The following LBR variants were observed in gnomAD, a reference collection of about 807,000 sequenced individuals.
The protein encoded by LBR is delta(14)-sterol reductase LBR.
LBR carries 28 observed loss-of-function variants against 74.3 expected under a neutral mutation model. That is an observed-to-expected ratio of 0.38 (90% CI 0.28 to 0.52). The LOEUF (loss-of-function observed/expected upper bound fraction) is 0.52, where lower values mean the gene tolerates loss of function less well. Among genes scored for constraint, LBR ranks in the 20% least tolerant of loss-of-function variants. The pLI, the probability that LBR is intolerant of heterozygous loss-of-function variation, is 0.89. For synonymous variants in LBR, 228 were observed against 269.3 expected (o/e 0.85, Z 1.50); for missense variants, 717 against 760.3 (o/e 0.94, Z 0.67).
At chr1:225,426,322 T>C (rs567352980) in intron 1 of LBR, among the ~76,000 whole-genome samples, 1 of 152,204 alleles carries the variant, frequency 6.6e-6, no homozygotes, top group Non-Finnish European at 1.5e-5. Context: ...AAGCCCCACA[T>C]TTGTTCGTGT....
Position 225,424,071 on chromosome 1 carries a change from G to T in LBR, c.5C>A (p.Pro2Gln), listed in dbSNP as rs1250803200. 6.2e-7 allele frequency: 1 copy of T among 1,613,820 alleles called. No homozygotes were observed. Among genetic ancestry groups the T allele is most frequent in the Admixed American group, 1.7e-5 (1 of 60,016 alleles). ...TTCACCATCGGCAAATTTCCTACTT[G>T]GCATTTTCTATAATTAACCTGAATA... The part of the protein sequence containing the change: M[P>Q]SRKFADGEVV... Residue 2 changes from proline (P) to glutamine (Q), a missense_variant, in exon 2 of 14, where the codon CCA becomes CAA. Physicochemically the swap from Pro to Gln is moderately conservative, Grantham distance 76. Coordinates refer to ENST00000272163, the MANE Select transcript of LBR (RefSeq NM_002296.4).
At chr1:225,406,600 A>C in intron 11 of LBR, 64 bp downstream of exon 11, 1 of 1,386,262 alleles carries the variant, frequency 7.2e-7, no homozygotes, top group South Asian at 1.2e-5. Flanking sequence ...TGTAGACAGC[A>C]GGGCATAAAA....
chr1:225,415,671 C>A (rs564128003), intron 6 of LBR, among the ~76,000 whole-genome samples: 1 of 152,220 alleles, frequency 6.6e-6, no homozygotes, highest in East Asian at 1.9e-4. Context: ...TCTAGTGGAT[C>A]CCTAGCTCAA....
Position 225,406,691 on chromosome 1 carries a change from T to C in LBR, c.1456A>G (p.Met486Val), listed in dbSNP as rs778020291. 1.2e-5 allele frequency: 19 copies of C among 1,611,990 alleles called. No individual in the cohort carries two copies. The African/African-American group carries it at 1.3e-4, about 11-fold the overall frequency. Residue 486 changes from methionine (M) to valine (V), a missense_variant, in exon 11 of 14, where the codon ATG (methionine) becomes GTG (valine). Transcript: ENST00000272163. ...VSHPNEVSWP[M>V]ASLIIVLKLC... is the part of the protein sequence containing the mutation. ...TTCAGAACAATAATTAGAGAAGCCATTGGCCAAGACACTTCATTTGGATGA... is the reference window on the plus strand; with the variant it reads ...TTCAGAACAATAATTAGAGAAGCCACTGGCCAAGACACTTCATTTGGATGA...
intron 10 of LBR, among the ~76,000 whole-genome samples, chr1:225,407,941 G>A (rs1429961491): frequency 1.3e-5 from 2 of 151,906 alleles, no homozygotes; most frequent in African/African-American, 4.8e-5. Flanking sequence ...ATATTTATGG[G>A]GTACACAGTG....
rs748344756 is a variant in LBR, at chr1:225,419,252, C to T, written c.640+11G>A. On this transcript the variant is annotated intron_variant, in intron 5 of 13. Transcript: ENST00000272163. ...CCACCTGCCCTCTCTGGGCCCAGCTCTGAGGCCTACCAGGTACTCCTCCAA... is the reference window on the plus strand; with the variant it reads ...CCACCTGCCCTCTCTGGGCCCAGCTTTGAGGCCTACCAGGTACTCCTCCAA... 1 of 1,614,012 alleles carries T rather than the reference C, an allele frequency of 6.2e-7. No homozygotes were observed. Among genetic ancestry groups the T allele is most frequent in the South Asian group, 1.1e-5 (1 of 91,080 alleles).
chr1:225,403,487 T>A (rs777941423), intron 13 of LBR, 24 bp from the exon 14 acceptor site: 10 of 1,550,288 alleles, frequency 6.5e-6, no homozygotes, highest in Non-Finnish European at 8.9e-6. Context: ...TAGTACACAG[T>A]ATTAGATATT....
rs571544637 is a variant in LBR, at chr1:225,404,561, C to T, written c.1565-35G>A. ...AATAAAAGTACATTTTTAATGATGT[C>T]GAGACAAAAAGAAAAATAAAACCTT... On this transcript the variant is annotated intron_variant, in intron 12 of 13. Coordinates refer to ENST00000272163, the MANE Select transcript of LBR (RefSeq NM_002296.4). 18 of 1,571,416 alleles carry T rather than the reference C, an allele frequency of 1.1e-5. No homozygotes were observed. The South Asian group carries it at 1.4e-4, about 12-fold the overall frequency.
chr1:225,417,950 T>C, intron 6 of LBR, 34 bp downstream of exon 6: 1 of 1,596,464 alleles, frequency 6.3e-7, no homozygotes, highest in Admixed American at 1.7e-5. Flanking sequence ...AGACCTCATC[T>C]TATTAAAACA....
chr1:225,414,148 C>T (rs141140619), intron 7 of LBR: 114 of 456,648 alleles, frequency 2.5e-4, no homozygotes, highest in African/African-American at 1.8e-3. Flanking sequence ...AAAAGTCTAA[C>T]AATACCAATG....
In LBR at chr1:225,412,649, T is replaced by TAAAAAA. The variant is rs78306811; in HGVS notation, c.893-10_893-5dup. 7.1e-7 allele frequency: 1 copy of TAAAAAA among 1,406,568 alleles called. No homozygotes were observed. Among genetic ancestry groups the TAAAAAA allele is most frequent in the Non-Finnish European group, 9.7e-7 (1 of 1,035,082 alleles). 87.1% of individuals were successfully genotyped at this position (1,406,568 alleles called of 1,614,324 possible). A position where few individuals can be genotyped will look rare whatever the true frequency, so the allele number is the denominator to read the frequency against. On this transcript the variant is annotated splice_region_variant and splice_polypyrimidine_tract_variant and intron_variant, in intron 7 of 13. Transcript: ENST00000272163. The stretch of plus-strand genomic sequence containing the variant: ...GTCAGGATAAAAGCATAGAATCCTT[T>TAAAAAA]AAAAAAAAAAAAAAAAGGAAGTGGA...
intron 6 of LBR, among the ~76,000 whole-genome samples, chr1:225,416,611 G>A (rs1490762924): frequency 6.6e-6 from 1 of 152,198 alleles, no homozygotes; most frequent in Non-Finnish European, 1.5e-5. Context: ...TCTAGTAAAT[G>A]CTGTGTTAGG....
At position 225,424,066 on chromosome 1, in the gene LBR, T is replaced by C. The variant is rs781666925; in HGVS notation, c.10A>G (p.Arg4Gly). The C allele has an allele frequency of 2.5e-6, 4 of 1,613,922 alleles. No homozygotes were observed. In the Admixed American group the frequency reaches 5.0e-5, roughly 20 times the overall value. Residue 4 changes from arginine to glycine, a missense_variant, in exon 2 of 14, where the codon AGG becomes GGG. Coordinates refer to ENST00000272163, the MANE Select transcript of LBR (RefSeq NM_002296.4). ...ACCACTTCACCATCGGCAAATTTCC[T>C]ACTTGGCATTTTCTATAATTAACCT... Reference protein sequence around the residue: MPSRKFADGEVVRG... With the variant: MPSGKFADGEVVRG...
chr1:225,428,610 G>C (rs1012494471), upstream of LBR: 1 of 152,202 alleles, frequency 6.6e-6, no homozygotes, highest in Non-Finnish European at 1.5e-5. Context: ...TTTTGTGTCC[G>C]CGGCCGCTGA....
chr1:225,409,764 A>T (rs989497628), intron 10 of LBR, among the ~76,000 whole-genome samples: 2 of 152,262 alleles, frequency 1.3e-5, no homozygotes, highest in Non-Finnish European at 1.5e-5. Context: ...TAGAAAGACT[A>T]ATCAATGTAT....
rs940929125 is a variant in LBR, at chr1:225,419,870, T to G, written c.367-72A>C. On this transcript the variant is annotated intron_variant, in intron 3 of 13. Transcript: ENST00000272163. ...TAAAAAGAAACATGATGGTAAAAAC[T>G]TACTGTTTTGGAATCAAGCAATAAA... The G allele has an allele frequency of 5.3e-6, 6 of 1,128,518 alleles. No homozygotes were observed. In the African/African-American group the frequency reaches 9.2e-5, roughly 17 times the overall value. The allele number at this position is 1,128,518 out of a possible 1,614,324, so 69.9% of individuals were successfully genotyped here.
At chr1:225,411,502 G>A (rs766102760) in intron 8 of LBR, 62 bp from the exon 9 acceptor site, 50 of 1,192,788 alleles carry the variant, frequency 4.2e-5, no homozygotes, top group Middle Eastern at 1.9e-4. Context: ...GCTTTACAAC[G>A]GCACTGCCGC....
At chr1:225,422,514 A>G (rs1324431296) in intron 2 of LBR, 1 of 537,278 alleles carries the variant, frequency 1.9e-6, no homozygotes, top group South Asian at 2.0e-5. Context: ...AGGTATTTCC[A>G]TGAAACGAAT....
At chr1:225,419,548 T>G in intron 4 of LBR, 96 bp from the exon 5 acceptor site, 1 of 979,974 alleles carries the variant, frequency 1.0e-6, no homozygotes. Flanking sequence ...AGCTATACAC[T>G]AGTAAGAATA....
Sources: gnomAD v4.1 joint callset for allele counts (sites outside exome capture counted in the v4.1 genomes callset) on GRCh38, gnomAD v4.1.1 for gene constraint, MANE v1.5 for transcripts, NCBI Gene and HGNC (gene_info 2026-07-23, HGNC 2026-07-21) for gene names.